The following ARL6 variants were observed in gnomAD, a reference collection of about 807,000 sequenced individuals.
The protein encoded by ARL6 is ADP-ribosylation factor-like protein 6.
ARL6 carries 18 observed loss-of-function variants against 27.1 expected under a neutral mutation model. The observed-to-expected ratio is 0.66, with a 90% confidence interval of 0.46 to 0.98. ARL6 has a LOEUF of 0.98. Ranked by LOEUF, ARL6 falls within the 50% of genes least tolerant of loss-of-function variation. The probability of loss-of-function intolerance (pLI) is 0.00; values close to 1 mark genes in which losing one functional copy is unlikely to be tolerated. For missense variants in ARL6, 187 were observed against 214.9 expected (o/e 0.87, Z 0.81); for synonymous variants, 65 against 72.3 (o/e 0.90, Z 0.51).
At chr3:97,797,642 A>G (rs1174821320) in intron 7 of ARL6, among the ~76,000 whole-genome samples, 2 of 152,206 alleles carry the variant, frequency 1.3e-5, no homozygotes, top group African/African-American at 2.4e-5. Context: ...TTGCCCCTGA[A>G]AGGGAGGAAT....
intron 6 of ARL6, among the ~76,000 whole-genome samples, chr3:97,788,525 CT>C (rs1250022028): frequency 1.2e-4 from 18 of 147,872 alleles, no homozygotes; most frequent in Admixed American, 3.4e-4. Flanking sequence ...CATGTGACTG[CT>C]TTTTTTTTTG....
chr3:97,794,816 T>C (rs1462713186), intron 7 of ARL6, among the ~76,000 whole-genome samples: 2 of 152,172 alleles, frequency 1.3e-5, no homozygotes, highest in Non-Finnish European at 2.9e-5. Flanking sequence ...CCGGGAGCAG[T>C]GGCTCATGCC....
chr3:97,770,981 C>T (rs927940098), intron 2 of ARL6, among the ~76,000 whole-genome samples: 5 of 151,736 alleles, frequency 3.3e-5, no homozygotes, highest in African/African-American at 9.7e-5. Context: ...ACTTTTTGTT[C>T]AGGATTATTT....
intron 6 of ARL6, 47 bp from the exon 7 acceptor site, chr3:97,791,724 T>G (rs767672139): frequency 6.4e-7 from 1 of 1,550,698 alleles, no homozygotes; most frequent in Non-Finnish European, 8.9e-7. Flanking sequence ...TTCTTATAGT[T>G]TTGTGATGTA....
At chr3:97,780,115 C>G (rs2037116472) in intron 2 of ARL6, 44 bp from the exon 3 acceptor site, 1 of 1,500,476 alleles carries the variant, frequency 6.7e-7, no homozygotes, top group Admixed American at 1.7e-5. Flanking sequence ...GAAAACTCAT[C>G]TCTGGTAATT....
At position 97,775,541 on chromosome 3, in the gene ARL6, C is replaced by G. The variant is rs2036854868; in HGVS notation, c.124-4618C>G. On this transcript the variant is annotated intron_variant, in intron 2 of 7. Transcript: ENST00000463745. ...CCCACCCAGATTAAGGTGATTGTTC[C>G]CAGCACACTGACTCAAATGTTAATC... 2.0e-5 allele frequency among the ~76,000 whole-genome samples: 3 copies of G among 152,152 alleles called. No homozygotes were observed. In the South Asian group the frequency reaches 6.2e-4, roughly 32 times the overall value.
At chr3:97,784,216 A>T (rs1258371312) in intron 4 of ARL6, among the ~76,000 whole-genome samples, 2 of 151,910 alleles carry the variant, frequency 1.3e-5, no homozygotes, top group East Asian at 1.9e-4. Context: ...TTAAAAGAAG[A>T]TAGTGCAGAG....
intron 2 of ARL6, among the ~76,000 whole-genome samples, chr3:97,768,699 TAAGTTA>T (rs142494042): frequency 0.011 from 1,659 of 152,210 alleles, 37 homozygotes; most frequent in African/African-American, 0.034. Flanking sequence ...ATGTGATGTA[TAAGTTA>T]AAGTTAAAGT....
chr3:97,764,984 C>T lies in ARL6; in HGVS notation c.-28+7C>T, dbSNP rs2036297150. 1 of 152,150 alleles carries T rather than the reference C, an allele frequency of 6.6e-6. No homozygotes were observed. The highest frequency in any genetic ancestry group is 6.5e-5 in the Admixed American group (1 of 15,280). 9.4% of individuals were successfully genotyped at this position (152,150 alleles called of 1,614,324 possible). On this transcript the variant is annotated splice_region_variant and intron_variant, in intron 1 of 7. Transcript: ENST00000463745. ...GACTAACCTCAAAAACCAGGTATCT[C>T]CTCAACGCCGGTTTTTAAAGCCAGC... is the stretch of plus-strand genomic sequence containing the variant.
chr3:97,784,858 A>G (rs958184632), intron 4 of ARL6, 97 bp from the exon 5 acceptor site: 16 of 796,506 alleles, frequency 2.0e-5, no homozygotes, highest in Non-Finnish European at 3.0e-5. Context: ...ATAGGACATA[A>G]GGAGATAATA....
intron 5 of ARL6, among the ~76,000 whole-genome samples, chr3:97,786,922 G>A (rs1298020850): frequency 6.6e-6 from 1 of 152,148 alleles, no homozygotes; most frequent in Non-Finnish European, 1.5e-5. Flanking sequence ...TTGGCTAGGG[G>A]AGTGGAAACA....
chr3:97,769,587 T>G (rs2036546077), intron 2 of ARL6, among the ~76,000 whole-genome samples: 1 of 152,092 alleles, frequency 6.6e-6, no homozygotes. Context: ...TCCAGTAAAT[T>G]ATTGTTGACT....
At chr3:97,779,810 G>A (rs576873267) in intron 2 of ARL6, among the ~76,000 whole-genome samples, 1 of 151,738 alleles carries the variant, frequency 6.6e-6, no homozygotes, top group Non-Finnish European at 1.5e-5. Flanking sequence ...AGCTTGCAGT[G>A]AGCCGAGATT....
At chr3:97,780,070 T>C in intron 2 of ARL6, 89 bp from the exon 3 acceptor site, 1 of 1,069,688 alleles carries the variant, frequency 9.3e-7, no homozygotes, top group East Asian at 2.4e-5. Context: ...AGTGACAGAT[T>C]TTAGAAACTG....
chr3:97,784,851 G>A, intron 4 of ARL6, 104 bp from the exon 5 acceptor site: 1 of 757,912 alleles, frequency 1.3e-6, no homozygotes, highest in Admixed American at 2.0e-5. Flanking sequence ...TATGGACATA[G>A]GACATAAGGA....
intron 5 of ARL6, among the ~76,000 whole-genome samples, chr3:97,787,017 G>C (rs1301357645): frequency 6.6e-6 from 1 of 152,126 alleles, no homozygotes; most frequent in African/African-American, 2.4e-5. Context: ...TATCAAAAGA[G>C]AAATTTATGT....
At chr3:97,791,919 C>T (rs1189746300) in intron 7 of ARL6, 93 bp downstream of exon 7, 1 of 1,098,460 alleles carries the variant, frequency 9.1e-7, no homozygotes, top group African/African-American at 1.6e-5. Context: ...ATATCATTGC[C>T]TTTTTTCCTC....
In ARL6 at chr3:97,765,211, G is replaced by GGTGTGTGT. The variant is rs71113866; in HGVS notation, c.-28+267_-28+274dup. ...GCTCAACTTAGACCCGTGTATTGGGGGTGTGTGTGTGTGTGTGTGTGTGTG... is the reference window on the plus strand; with the variant it reads ...GCTCAACTTAGACCCGTGTATTGGGGGTGTGTGTGTGTGTGTGTGTGTGTGTGTGTGTG... On this transcript the variant is annotated intron_variant, in intron 1 of 7. Transcript: ENST00000463745. 2.5e-3 allele frequency among the ~76,000 whole-genome samples: 268 copies of GGTGTGTGT among 105,598 alleles called. 1 individual carries two copies. The highest frequency in any genetic ancestry group is 5.1e-3 in the East Asian group (14 of 2,768). 69.3% of individuals were successfully genotyped at this position (105,598 alleles called of 152,430 possible).
chr3:97,773,888 TTTTG>T (rs962294794), intron 2 of ARL6, among the ~76,000 whole-genome samples: 7 of 152,298 alleles, frequency 4.6e-5, no homozygotes, highest in African/African-American at 1.4e-4. Flanking sequence ...CAGGTGCTGC[TTTTG>T]TTTGTTTGTT....
Sources: gnomAD v4.1 joint callset for allele counts (sites outside exome capture counted in the v4.1 genomes callset) on GRCh38, gnomAD v4.1.1 for gene constraint, MANE v1.5 for transcripts, NCBI Gene and HGNC (gene_info 2026-07-23, HGNC 2026-07-21) for gene names.